SP110: variants seen among roughly 807,000 people sequenced by gnomAD.
The protein encoded by SP110 is SP110 nuclear body protein.
In SP110, 62 loss-of-function variants were observed where a neutral mutation model predicts 92.7. The observed-to-expected ratio is 0.67, with a 90% confidence interval of 0.55 to 0.83. The LOEUF (loss-of-function observed/expected upper bound fraction) is 0.83. Among genes scored for constraint, SP110 ranks in the 40% least tolerant of loss-of-function variants. The probability of loss-of-function intolerance (pLI) is 0.00; values close to 1 mark genes in which losing one functional copy is unlikely to be tolerated. For synonymous variants in SP110, 273 were observed against 305.3 expected (o/e 0.89, Z 1.10); for missense variants, 793 against 863.9 (o/e 0.92, Z 1.03).
chr2:230,193,758 C>T lies in SP110; in HGVS notation c.1129+7127G>A, dbSNP rs185823969. The stretch of plus-strand genomic sequence containing the variant: ...CATCCTTGCAAATAGTAAAGATTTC[C>T]CTGACTATTACATCAATAGGTTTCA... On this transcript the variant is annotated intron_variant, in intron 10 of 18. Coordinates refer to ENST00000258381, the MANE Select transcript of SP110 (RefSeq NM_080424.4). Among the ~76,000 whole-genome samples the T allele has an allele frequency of 6.6e-3, 1,001 of 152,214 alleles. 29 individuals are homozygous for T. Among genetic ancestry groups the T allele is most frequent in the Non-Finnish European group, 5.2e-3 (352 of 68,018 alleles).
At position 230,170,763 on chromosome 2, in the gene SP110, T is replaced by C; in HGVS notation, c.1888-2A>G. 1.9e-6 allele frequency: 3 copies of C among 1,614,092 alleles called. No homozygotes were observed. The highest frequency in any genetic ancestry group is 1.6e-4 in the Middle Eastern group (1 of 6,062). ...AAAGGGCTCACCGTAATCTCGAATCTTGGGGACAAAGCCACCAGAGGTGAC... is the reference window on the plus strand; with the variant it reads ...AAAGGGCTCACCGTAATCTCGAATCCTGGGGACAAAGCCACCAGAGGTGAC... On this transcript the variant is annotated splice_acceptor_variant, in intron 17 of 18. Coordinates refer to ENST00000258381, the MANE Select transcript of SP110 (RefSeq NM_080424.4). LOFTEE classifies it high-confidence loss of function.
rs1448725022 is a variant in SP110, at chr2:230,211,378, G to C, written c.751+92C>G. On this transcript the variant is annotated intron_variant, in intron 6 of 18. Transcript: ENST00000258381. This position sits in a 1 kb window ranked among gnomAD's most constrained non-coding sequence, Gnocchi z 4.2. Reference sequence around the variant, plus strand: ...GGCCAAGATTGCTGAGAGGCAGGAGGAGAGCCCCCTCTCTAGAAGATCCGA... The same window carrying C: ...GGCCAAGATTGCTGAGAGGCAGGAGCAGAGCCCCCTCTCTAGAAGATCCGA... 1.2e-6 allele frequency: 1 copy of C among 847,186 alleles called. No individual in the cohort carries two copies. The highest frequency in any genetic ancestry group is 2.1e-6 in the Non-Finnish European group (1 of 486,688). 52.5% of individuals were successfully genotyped at this position (847,186 alleles called of 1,614,324 possible). A position where few individuals can be genotyped will look rare whatever the true frequency, so the allele number is the denominator to read the frequency against.
chr2:230,190,771 A>G (rs887250106), intron 10 of SP110, among the ~76,000 whole-genome samples: 4 of 152,236 alleles, frequency 2.6e-5, no homozygotes, highest in African/African-American at 9.6e-5. Context: ...AGTTTTCTGC[A>G]TATGGATAGC....
At chr2:230,181,375 C>T (rs1330611817) in intron 12 of SP110, among the ~76,000 whole-genome samples, 1 of 152,238 alleles carries the variant, frequency 6.6e-6, no homozygotes, top group East Asian at 1.9e-4. Flanking sequence ...CATCCACTTA[C>T]TGACCTCACG....
Position 230,190,628 on chromosome 2 carries a change from G to A in SP110, c.1130-4485C>T, listed in dbSNP as rs114793021. 3.0e-3 allele frequency among the ~76,000 whole-genome samples: 460 copies of A among 152,072 alleles called. 4 individuals are homozygous for A. Among genetic ancestry groups the A allele is most frequent in the African/African-American group, 0.01 (430 of 41,474 alleles). On this transcript the variant is annotated intron_variant, in intron 10 of 18. Transcript: ENST00000258381. The stretch of plus-strand genomic sequence containing the variant: ...TTGGCTTTTTTATCATGAAGACTTT[G>A]CCCATGCCTATGTCTTGAATGATAT...
At position 230,166,290 on chromosome 2, in the gene SP110, C is replaced by G. The variant is rs1332149588; in HGVS notation, c.*2834G>C. ...AAAAACCAACAGAATATCTTCATAG[C>G]CTGAAAACCGTAAAGAAAGCAGATA... On this transcript the variant is annotated 3_prime_UTR_variant, in exon 19 of 19. Transcript: ENST00000258381. Among the ~76,000 whole-genome samples, 1 of 152,150 alleles carries G rather than the reference C, an allele frequency of 6.6e-6. No individual in the cohort carries two copies. The highest frequency in any genetic ancestry group is 2.4e-5 in the African/African-American group (1 of 41,430).
upstream of SP110, chr2:230,221,792 G>T: frequency 1.4e-6 from 2 of 1,390,752 alleles, no homozygotes; most frequent in Non-Finnish European, 2.0e-6. Context: ...GATCTATTCA[G>T]AGATACACCA....
chr2:230,206,489 G>A (rs2043814844), intron 8 of SP110, among the ~76,000 whole-genome samples: 1 of 150,702 alleles, frequency 6.6e-6, no homozygotes. Flanking sequence ...GGCTAGGTCT[G>A]TGGTTCTCTT....
In SP110 at chr2:230,172,866, T is replaced by C; in HGVS notation, c.1684A>G (p.Ile562Val). Residue 562 changes from isoleucine to valine, a missense_variant, in exon 15 of 19, where the codon ATC becomes GTC. Physicochemically the swap from Ile to Val is conservative, Grantham distance 29 (BLOSUM62 3). Transcript: ENST00000258381. ...CPRVFHEDCHIPPVEAKRMLW... is the reference protein window; with the variant it reads ...CPRVFHEDCHVPPVEAKRMLW... ...CACCTCTTGGCTTCCACAGGGGGGATGTGACAGTCCTCATGGAAGACTCGT... is the reference window on the plus strand; with the variant it reads ...CACCTCTTGGCTTCCACAGGGGGGACGTGACAGTCCTCATGGAAGACTCGT... 3 of 1,613,784 alleles carry C rather than the reference T, an allele frequency of 1.9e-6. No individual in the cohort carries two copies. Among genetic ancestry groups the C allele is most frequent in the Non-Finnish European group, 2.5e-6 (3 of 1,179,670 alleles).
At chr2:230,176,381 A>G in intron 14 of SP110, 2 of 1,098,342 alleles carry the variant, frequency 1.8e-6, no homozygotes, top group Middle Eastern at 3.5e-4. Context: ...GGGTCTTGCT[A>G]TGTTGCCTAG....
intron 7 of SP110, 24 bp from the exon 8 acceptor site, chr2:230,208,083 A>G: frequency 1.5e-6 from 2 of 1,300,702 alleles, no homozygotes; most frequent in Non-Finnish European, 2.2e-6. Flanking sequence ...ATAATGTTTT[A>G]TAGTTACAAA....
intron 14 of SP110, among the ~76,000 whole-genome samples, chr2:230,174,541 G>A (rs1390002626): frequency 6.6e-6 from 1 of 151,898 alleles, no homozygotes; most frequent in Non-Finnish European, 1.5e-5. Context: ...ATGGGCTTCT[G>A]ATACAAAAAA....
intron 4 of SP110, 28 bp downstream of exon 4, chr2:230,212,733 C>G (rs1351085072): frequency 2.5e-5 from 40 of 1,613,394 alleles, no homozygotes; most frequent in Non-Finnish European, 3.3e-5. Flanking sequence ...TGAGGATATA[C>G]AGGTGTTGGA....
rs531591990 is a variant in SP110, at chr2:230,184,315, T to G, written c.1280-675A>C. 3.3e-5 allele frequency among the ~76,000 whole-genome samples: 5 copies of G among 152,300 alleles called. No individual in the cohort carries two copies. In the East Asian group the frequency reaches 7.7e-4, roughly 23 times the overall value. On this transcript the variant is annotated intron_variant, in intron 11 of 18. Coordinates refer to ENST00000258381, the MANE Select transcript of SP110 (RefSeq NM_080424.4). Reference sequence around the variant, plus strand: ...ATAAATATCACATAGGAAGGGCTTTTTAAGGAGGAAGTAATGGGCATAAAG... The same window carrying G: ...ATAAATATCACATAGGAAGGGCTTTGTAAGGAGGAAGTAATGGGCATAAAG...
Position 230,172,944 on chromosome 2 carries a change from C to T in SP110, c.1606G>A (p.Glu536Lys). Residue 536 changes from glutamate (E) to lysine (K), a missense_variant, in exon 15 of 19, where the codon GAA becomes AAA. By Grantham distance (56) the Glu-to-Lys change is moderately conservative. Coordinates refer to ENST00000258381, the MANE Select transcript of SP110 (RefSeq NM_080424.4). ...GELLKRKNSD[E>K]CEVCCQGGQL... ...CCCCCTTGACAGCACACCTCGCATT[C>T]ATCCGAGTTTTTCCGCTGCAAGGGC... 1 of 1,613,820 alleles carries T rather than the reference C, an allele frequency of 6.2e-7. No individual in the cohort carries two copies. The highest frequency in any genetic ancestry group is 2.2e-5 in the East Asian group (1 of 44,882).
Position 230,214,953 on chromosome 2 carries a change from G to A in SP110, c.313C>T (p.Arg105Cys), listed in dbSNP as rs201836856. 22 of 1,613,494 alleles carry A rather than the reference G, an allele frequency of 1.4e-5. No homozygotes were observed. Among genetic ancestry groups the A allele is most frequent in the East Asian group, 4.5e-5 (2 of 44,870 alleles). The part of the protein sequence containing the change: ...NLVTIYRSFK[R>C]VGASYEWQSR... ...AGCACTTGAGAAATCTCATTACCAC[G>A]TTTGAAGCTTCTGTAAATCGTCACC... is the stretch of plus-strand genomic sequence containing the variant. Residue 105 changes from arginine (R) to cysteine (C), a missense_variant, in exon 3 of 19, where the codon CGT becomes TGT. Arg to Cys is a radical substitution (Grantham distance 180, BLOSUM62 -3). Transcript: ENST00000258381.
At chr2:230,171,595 T>C (rs12988385) in intron 17 of SP110, 101 bp downstream of exon 17, 97,140 of 910,920 alleles carry the variant, frequency 0.11, 5,781 homozygotes, top group Non-Finnish European at 0.12. Context: ...GCCCTTCTCT[T>C]CTGTTCTCCA....
chr2:230,210,792 G>T (rs1010300340), intron 6 of SP110, among the ~76,000 whole-genome samples: 1 of 152,202 alleles, frequency 6.6e-6, no homozygotes, highest in Non-Finnish European at 1.5e-5. Flanking sequence ...AGGAATAGGT[G>T]ACTGAGGCAG....
At chr2:230,200,843 C>T (rs200460698) in intron 10 of SP110, 42 bp downstream of exon 10, 7 of 1,402,124 alleles carry the variant, frequency 5.0e-6, no homozygotes, top group Non-Finnish European at 7.1e-6. Context: ...AATTTAGATT[C>T]CTGGTGACTG....
Sources: gnomAD v4.1 joint callset for allele counts (sites outside exome capture counted in the v4.1 genomes callset) on GRCh38, gnomAD v4.1.1 for gene constraint, Gnocchi (gnomAD v3.1) non-coding constraint, MANE v1.5 for transcripts, NCBI Gene and HGNC (gene_info 2026-07-23, HGNC 2026-07-21) for gene names.